The following C2CD3 variants were observed in gnomAD, a reference collection of about 807,000 sequenced individuals.
C2CD3 encodes the protein C2 domain containing 3 centriole elongation regulator.
In C2CD3, 148 loss-of-function variants were observed where a neutral mutation model predicts 234.0. That is an observed-to-expected ratio of 0.63 (90% CI 0.55 to 0.72). C2CD3 has a LOEUF of 0.72. C2CD3 is among the 30% of genes least tolerant of loss of function. C2CD3 has a pLI of 0.00. For synonymous variants in C2CD3, 1,000 were observed against 1,035.4 expected, an observed-to-expected ratio of 0.97 and a Z score of 0.66; for missense variants, 2,577 against 2,811.5, an observed-to-expected ratio of 0.92 and a Z score of 1.89.
chr11:74,094,124 T>C (rs1956012245), intron 17 of C2CD3, 125 bp from the exon 18 acceptor site: 3 of 663,726 alleles, frequency 4.5e-6, no homozygotes, highest in East Asian at 3.0e-5. Context: ...TAAGGTCCCA[T>C]GATAATACAG....
At chr11:74,022,293 C>T (rs1952122685) in intron 32 of C2CD3, among the ~76,000 whole-genome samples, 1 of 152,080 alleles carries the variant, frequency 6.6e-6, no homozygotes, top group Admixed American at 6.5e-5. Flanking sequence ...ACTTGTGCTT[C>T]TGGCAGGAGT....
At position 74,170,882 on chromosome 11, in the gene C2CD3, T is replaced by G; in HGVS notation, c.-90A>C. ...CCATCCCTCCCCACGGCGCCTGCGT[T>G]CCCCGGCAACCGGCGCCGCTGGGCA... is the stretch of plus-strand genomic sequence containing the variant. On this transcript the variant is annotated 5_prime_UTR_variant, in exon 1 of 33. Coordinates refer to ENST00000334126, the MANE Select transcript of C2CD3 (RefSeq NM_001286577.2). The G allele has an allele frequency of 6.6e-7, 1 of 1,516,166 alleles. No homozygotes were observed. The highest frequency in any genetic ancestry group is 8.9e-7 in the Non-Finnish European group (1 of 1,124,338). 93.9% of individuals were successfully genotyped at this position (1,516,166 alleles called of 1,614,324 possible).
Position 74,103,408 on chromosome 11 carries a change from C to T in C2CD3, c.2303G>A (p.Arg768Gln), listed in dbSNP as rs752760271. The T allele has an allele frequency of 2.3e-5, 37 of 1,614,018 alleles. No homozygotes were observed. Among genetic ancestry groups the T allele is most frequent in the Non-Finnish European group, 2.5e-5 (29 of 1,180,050 alleles). Residue 768 changes from arginine to glutamine, a missense_variant, in exon 14 of 33, where the codon CGA becomes CAA. By Grantham distance (43) the Arg-to-Gln change is conservative. Transcript: ENST00000334126. Reference sequence around the variant, plus strand: ...TGGTGCTACAGGGCTTGGTGACTTTCGGTTGGGGAGCACCAAGTTCTGTGC... The same window carrying T: ...TGGTGCTACAGGGCTTGGTGACTTTTGGTTGGGGAGCACCAAGTTCTGTGC... ...KKAQNLVLPN[R>Q]KSPSPVAPHP... is the part of the protein sequence containing the mutation.
At chr11:74,028,078 C>A (rs376794799) in intron 32 of C2CD3, among the ~76,000 whole-genome samples, 2 of 152,156 alleles carry the variant, frequency 1.3e-5, no homozygotes, top group East Asian at 3.8e-4. Flanking sequence ...GCTGACAATG[C>A]CCTGCTCTTG....
chr11:74,170,065 C>G (rs1857065505), intron 1 of C2CD3, among the ~76,000 whole-genome samples: 1 of 152,108 alleles, frequency 6.6e-6, no homozygotes, highest in Non-Finnish European at 1.5e-5. Context: ...CAGCTAACAT[C>G]CCCTACTCGG....
intron 28 of C2CD3, among the ~76,000 whole-genome samples, chr11:74,046,622 G>T (rs1953387570): frequency 6.6e-6 from 1 of 152,090 alleles, no homozygotes; most frequent in Non-Finnish European, 1.5e-5. Flanking sequence ...AGTCACCATG[G>T]CTGGCCCAAT....
chr11:74,035,883 CAG>C (rs1952720502), intron 30 of C2CD3, among the ~76,000 whole-genome samples: 3 of 151,654 alleles, frequency 2.0e-5, no homozygotes, highest in Admixed American at 1.3e-4. Flanking sequence ...TGTTTTGAGT[CAG>C]AGTCTTACTC....
chr11:74,151,319 T>TTATTTATTTATTTATG (rs1565349130), intron 3 of C2CD3, among the ~76,000 whole-genome samples: 3 of 151,738 alleles, frequency 2.0e-5, no homozygotes, highest in African/African-American at 4.8e-5. Flanking sequence ...ATTTATTTAT[T>TTATTTATTTATTTATG]TATTTATTTA....
rs1266651587 is a variant in C2CD3 at position 74,098,190 on chromosome 11, A to G, written c.2798T>C (p.Met933Thr). Residue 933 changes from methionine to threonine, a missense_variant, in exon 16 of 33, where the codon ATG becomes ACG. Physicochemically the swap from Met to Thr is moderately conservative, Grantham distance 81. Transcript: ENST00000334126. Reference protein sequence around the residue: ...QYPVVAVDSYMPVIDVFSGHQ... With the variant: ...QYPVVAVDSYTPVIDVFSGHQ... The stretch of plus-strand genomic sequence containing the variant: ...GCCTGAAAACACATCAATCACAGGC[A>G]TGTAGCTGTCGACAGCAACAACTGG... The G allele has an allele frequency of 2.5e-5, 41 of 1,613,912 alleles. No homozygotes were observed. The highest frequency in any genetic ancestry group is 3.4e-5 in the Non-Finnish European group (40 of 1,179,852).
Position 74,037,587 on chromosome 11 carries a change from C to A in C2CD3, c.5772G>T (p.Glu1924Asp), listed in dbSNP as rs1393523470. ...CTGGCCCAAGATGGTCCCTACAGCTCTCCTGGTGCTGTGAGATGGCCGTTT... is the reference window on the plus strand; with the variant it reads ...CTGGCCCAAGATGGTCCCTACAGCTATCCTGGTGCTGTGAGATGGCCGTTT... ...QTQTAISQHQESCRDHLGPGA... is the reference protein window; with the variant it reads ...QTQTAISQHQDSCRDHLGPGA... Residue 1924 changes from glutamate to aspartate, a missense_variant, in exon 30 of 33, where the codon GAG (glutamate) becomes GAT (aspartate). By Grantham distance (45) the Glu-to-Asp change is conservative. Coordinates refer to ENST00000334126, the MANE Select transcript of C2CD3 (RefSeq NM_001286577.2). The A allele has an allele frequency of 6.2e-7, 1 of 1,614,146 alleles. No individual in the cohort carries two copies. Among genetic ancestry groups the A allele is most frequent in the Non-Finnish European group, 8.5e-7 (1 of 1,180,020 alleles).
chr11:74,157,159 T>C (rs1856088964), intron 3 of C2CD3, among the ~76,000 whole-genome samples: 1 of 152,342 alleles, frequency 6.6e-6, no homozygotes, highest in Non-Finnish European at 1.5e-5. Context: ...CTTCTATGGA[T>C]ATAAAAGATT....
intron 19 of C2CD3, 128 bp downstream of exon 19, chr11:74,092,288 C>A (rs369023299): frequency 2.7e-6 from 2 of 736,472 alleles, no homozygotes. Context: ...CTCCTGACCT[C>A]AGGTGATCCA....
chr11:74,115,262 A>G (rs1304066085), intron 9 of C2CD3, among the ~76,000 whole-genome samples: 1 of 151,864 alleles, frequency 6.6e-6, no homozygotes, highest in African/African-American at 2.4e-5. Context: ...ATACACACAC[A>G]ACATATATAC....
At chr11:74,125,650 C>T (rs1195566036) in intron 7 of C2CD3, among the ~76,000 whole-genome samples, 1 of 152,100 alleles carries the variant, frequency 6.6e-6, no homozygotes, top group Non-Finnish European at 1.5e-5. Context: ...AATTAATTTT[C>T]AGGGTTAATA....
chr11:74,038,250 A>G (rs1324888033), intron 29 of C2CD3, among the ~76,000 whole-genome samples: 2 of 152,246 alleles, frequency 1.3e-5, no homozygotes, highest in Non-Finnish European at 2.9e-5. Context: ...TGCACCCAGC[A>G]TAGTGCTTGG....
chr11:74,084,832 A>T, intron 22 of C2CD3, 49 bp downstream of exon 22: 1 of 1,057,286 alleles, frequency 9.5e-7, no homozygotes, highest in South Asian at 1.3e-5. Flanking sequence ...CTTGTAGGGA[A>T]GTGAAAGGGA....
chr11:74,017,792 C>T (rs1368830929), intron 32 of C2CD3, among the ~76,000 whole-genome samples: 1 of 151,724 alleles, frequency 6.6e-6, no homozygotes, highest in East Asian at 1.9e-4. Context: ...TCTCCAAAAG[C>T]TCTCTCAGGA....
chr11:74,069,505 T>C lies in C2CD3; in HGVS notation c.4951+4748A>G, dbSNP rs147525741. ...ATAACAACTTCTCATATTTAGATAATGCGTTACAGCTTGCACACTGTTTTC... is the reference window on the plus strand; with the variant it reads ...ATAACAACTTCTCATATTTAGATAACGCGTTACAGCTTGCACACTGTTTTC... On this transcript the variant is annotated intron_variant, in intron 24 of 32. Coordinates refer to ENST00000334126, the MANE Select transcript of C2CD3 (RefSeq NM_001286577.2). Among the ~76,000 whole-genome samples the C allele has an allele frequency of 9.4e-3, 1,439 of 152,342 alleles. 18 individuals are homozygous for C. Among genetic ancestry groups the C allele is most frequent in the African/African-American group, 0.032 (1,339 of 41,572 alleles).
chr11:74,052,896 CTG>C (rs1489232246), intron 26 of C2CD3, among the ~76,000 whole-genome samples: 1 of 152,220 alleles, frequency 6.6e-6, no homozygotes, highest in Non-Finnish European at 1.5e-5. Flanking sequence ...AAACAAAAAA[CTG>C]TGACTCTGTA....
Sources: gnomAD v4.1 joint callset for allele counts (sites outside exome capture counted in the v4.1 genomes callset) on GRCh38, gnomAD v4.1.1 for gene constraint, MANE v1.5 for transcripts, NCBI Gene and HGNC (gene_info 2026-07-23, HGNC 2026-07-21) for gene names.